FXYD6: variants seen among roughly 807,000 people sequenced by gnomAD.
FXYD6 encodes FXYD domain containing ion transport regulator 6.
Under a neutral mutation model 16.7 loss-of-function variants are expected in FXYD6, and 7 were observed. The ratio of observed to expected loss-of-function variants is 0.42; its 90% CI spans 0.24 to 0.79. FXYD6 has a LOEUF of 0.79. FXYD6 is among the 30% of genes least tolerant of loss of function. The pLI is 0.28. For missense variants in FXYD6, 111 were observed against 116.2 expected, an observed-to-expected ratio of 0.95 and a Z score of 0.21; for synonymous variants, 49 against 43.0, an observed-to-expected ratio of 1.14 and a Z score of -0.54.
intron 1 of FXYD6, among the ~76,000 whole-genome samples, chr11:117,854,187 C>T (rs775900213): frequency 7.2e-5 from 11 of 152,164 alleles, no homozygotes; most frequent in Non-Finnish European, 1.0e-4. Context: ...GATGAAACAA[C>T]ACATTAAGGC....
chr11:117,861,178 A>G (rs1280010621), intron 1 of FXYD6, among the ~76,000 whole-genome samples: 2 of 152,134 alleles, frequency 1.3e-5, no homozygotes, highest in Non-Finnish European at 2.9e-5. Flanking sequence ...CTCTTCTGTG[A>G]ATGACATCCC....
At chr11:117,858,677 TTCTTTCTTTCTTTCTTTC>T (rs1402462066) in intron 1 of FXYD6, among the ~76,000 whole-genome samples, 4 of 87,700 alleles carry the variant, frequency 4.6e-5, no homozygotes, top group Non-Finnish European at 8.4e-5. Context: ...CTTTCTTTCT[TTCTTTCTTTCTTTCTTTC>T]TTTCTTTCTC....
chr11:117,849,710 A>AT (rs549545702), intron 1 of FXYD6, among the ~76,000 whole-genome samples: 5 of 151,416 alleles, frequency 3.3e-5, no homozygotes, highest in South Asian at 4.2e-4. Context: ...ATTATATTTT[A>AT]TTTTTTTTCC....
At chr11:117,846,288 G>A (rs1014604176) in intron 1 of FXYD6, among the ~76,000 whole-genome samples, 1 of 152,126 alleles carries the variant, frequency 6.6e-6, no homozygotes, top group African/African-American at 2.4e-5. Context: ...TATTATTGTT[G>A]TTAATTTCTT....
chr11:117,858,701 T>TCC (rs1565323741), intron 1 of FXYD6, among the ~76,000 whole-genome samples: 1 of 58,300 alleles, frequency 1.7e-5, no homozygotes, highest in African/African-American at 8.3e-5. Flanking sequence ...CTTTCTTTCT[T>TCC]TCTCTCTCTC....
chr11:117,837,222 T>C lies in FXYD6; in HGVS notation c.*1077A>G, dbSNP rs3087563. 0.54 allele frequency: 81,322 copies of C among 151,914 alleles called. 22,384 individuals carry two copies. The highest frequency in any genetic ancestry group is 0.73 in the East Asian group (3,729 of 5,124). 9.4% of individuals were successfully genotyped at this position (151,914 alleles called of 1,614,324 possible). A position where few individuals can be genotyped will look rare whatever the true frequency, so the allele number is the denominator to read the frequency against. On this transcript the variant is annotated 3_prime_UTR_variant, in exon 8 of 8. Transcript: ENST00000526014. This position sits in a 1 kb window ranked among gnomAD's most constrained non-coding sequence, Gnocchi z 4.4. ...CCACCTCGCTCACCGCTCTGACCAC[T>C]GACAGGCAGAGCAAAGGATGCGGGA...
At chr11:117,841,439 G>T (rs780891271) in intron 4 of FXYD6, 1 of 592,086 alleles carries the variant, frequency 1.7e-6, no homozygotes, top group Non-Finnish European at 3.0e-6. Flanking sequence ...TGCAGATCAG[G>T]CTCATGTGGG....
chr11:117,869,329 G>A (rs939681889), intron 1 of FXYD6: 1 of 152,276 alleles, frequency 6.6e-6, no homozygotes, highest in Admixed American at 6.5e-5. Flanking sequence ...AGCAGGACAG[G>A]GCACCTCCGC....
At chr11:117,858,100 C>T (rs536391752) in intron 1 of FXYD6, 2 of 152,224 alleles carry the variant, frequency 1.3e-5, no homozygotes, top group South Asian at 2.1e-4. Flanking sequence ...TTCTTCTCCT[C>T]GATCTTCCTT....
At chr11:117,868,084 A>C (rs191866295) in intron 1 of FXYD6, among the ~76,000 whole-genome samples, 1 of 152,154 alleles carries the variant, frequency 6.6e-6, no homozygotes, top group Admixed American at 6.5e-5. Context: ...CGTTGGCACT[A>C]ATTTGGCGCA....
chr11:117,838,767 G>T, intron 7 of FXYD6: 1 of 182,692 alleles, frequency 5.5e-6, no homozygotes, highest in Non-Finnish European at 1.2e-5. Context: ...CGGGAGTAAT[G>T]AGCCCTGCTC....
In FXYD6 at chr11:117,862,806, C is replaced by T. The variant is rs138653289; in HGVS notation, c.-6+13786G>A. 4.6e-3 allele frequency among the ~76,000 whole-genome samples: 695 copies of T among 152,256 alleles called. 3 individuals are homozygous for T. The highest frequency in any genetic ancestry group is 0.016 in the African/African-American group (680 of 41,558). Reference sequence around the variant, plus strand: ...CCTCCTCCTTGGGTTGAGGAGGTCACGGCAAGATGTATCAAGATAGGAACT... The same window carrying T: ...CCTCCTCCTTGGGTTGAGGAGGTCATGGCAAGATGTATCAAGATAGGAACT... On this transcript the variant is annotated intron_variant, in intron 1 of 7. Transcript: ENST00000526014.
intron 1 of FXYD6, among the ~76,000 whole-genome samples, chr11:117,873,187 T>C (rs967499383): frequency 2.0e-5 from 3 of 152,060 alleles, no homozygotes; most frequent in South Asian, 4.1e-4. Context: ...AAAGGAAACT[T>C]TCTCCAGGGT....
chr11:117,843,206 A>G (rs1325666789), intron 1 of FXYD6, among the ~76,000 whole-genome samples: 1 of 152,230 alleles, frequency 6.6e-6, no homozygotes, highest in Non-Finnish European at 1.5e-5. Flanking sequence ...AAGGGCTGGG[A>G]TTATAGGCGT....
At chr11:117,860,448 C>T (rs2056878687) in intron 1 of FXYD6, among the ~76,000 whole-genome samples, 1 of 152,246 alleles carries the variant, frequency 6.6e-6, no homozygotes, top group African/African-American at 2.4e-5. Context: ...TACCAAGCTT[C>T]CAGCATCTCT....
intron 1 of FXYD6, among the ~76,000 whole-genome samples, chr11:117,863,799 T>G (rs73586911): frequency 1.2e-3 from 187 of 152,170 alleles, no homozygotes; most frequent in African/African-American, 4.3e-3. Flanking sequence ...AAAAAACAAT[T>G]GCATTTCTAT....
chr11:117,854,573 A>G (rs747862580), intron 1 of FXYD6, among the ~76,000 whole-genome samples: 8 of 152,242 alleles, frequency 5.3e-5, no homozygotes, highest in Non-Finnish European at 7.3e-5. Flanking sequence ...ACCAAGGAGA[A>G]GTAGGATTTG....
chr11:117,841,929 C>T (rs553897706), intron 3 of FXYD6, 61 bp downstream of exon 3: 12 of 1,613,994 alleles, frequency 7.4e-6, no homozygotes, highest in African/African-American at 2.7e-5. Flanking sequence ...TCCCCCTACC[C>T]CTCCTGCCAG....
chr11:117,858,724 C>T (rs1480858101), intron 1 of FXYD6, among the ~76,000 whole-genome samples: 148 of 5,626 alleles, frequency 0.026, 1 homozygote, highest in Non-Finnish European at 0.06. Context: ...TCCTTCCTTC[C>T]CTTCCTTCCT....
Sources: gnomAD v4.1 joint callset for allele counts (sites outside exome capture counted in the v4.1 genomes callset) on GRCh38, gnomAD v4.1.1 for gene constraint, Gnocchi (gnomAD v3.1) non-coding constraint, MANE v1.5 for transcripts, NCBI Gene and HGNC (gene_info 2026-07-23, HGNC 2026-07-21) for gene names.